The following DNAAF10 variants were observed in gnomAD, a reference collection of about 807,000 sequenced individuals.
DNAAF10 encodes WD repeat domain 92.
In DNAAF10, 28 loss-of-function variants were observed where a neutral mutation model predicts 43.7. That is an observed-to-expected ratio of 0.64 (90% CI 0.48 to 0.88). DNAAF10 has a LOEUF of 0.88. DNAAF10 is among the 40% of genes least tolerant of loss of function. The probability of loss-of-function intolerance (pLI) is 0.00; values close to 1 mark genes in which losing one functional copy is unlikely to be tolerated. For missense variants in DNAAF10, 403 were observed against 439.1 expected (o/e 0.92, Z 0.73); for synonymous variants, 156 against 157.3 (o/e 0.99, Z 0.06).
At chr2:68,151,050 C>T (rs894124151) in intron 1 of DNAAF10, among the ~76,000 whole-genome samples, 3 of 152,236 alleles carry the variant, frequency 2.0e-5, no homozygotes, top group African/African-American at 7.2e-5. Flanking sequence ...TATACATTTT[C>T]ACAGTTGTCA....
At chr2:68,145,696 G>A (rs541171618) in intron 2 of DNAAF10, among the ~76,000 whole-genome samples, 37 of 152,106 alleles carry the variant, frequency 2.4e-4, no homozygotes, top group Non-Finnish European at 4.4e-4. Context: ...CGTCTAATAG[G>A]TCAATTCACA....
chr2:68,149,441 T>C (rs542563738), intron 1 of DNAAF10, among the ~76,000 whole-genome samples: 1 of 152,328 alleles, frequency 6.6e-6, no homozygotes, highest in African/African-American at 2.4e-5. Context: ...ACAGAATGTT[T>C]CTCTTTTTAA....
At chr2:68,150,504 A>C (rs1452186962) in intron 1 of DNAAF10, among the ~76,000 whole-genome samples, 1 of 152,172 alleles carries the variant, frequency 6.6e-6, no homozygotes, top group East Asian at 1.9e-4. Flanking sequence ...AGGCTGAGGC[A>C]GGCGGATCAC....
chr2:68,154,682 G>A (rs1004688272), intron 1 of DNAAF10, among the ~76,000 whole-genome samples: 1 of 152,206 alleles, frequency 6.6e-6, no homozygotes, highest in African/African-American at 2.4e-5. Flanking sequence ...AAAATTTGCT[G>A]AAATTCCCCA....
intron 1 of DNAAF10, among the ~76,000 whole-genome samples, chr2:68,155,118 T>C (rs1483994896): frequency 6.6e-6 from 1 of 150,488 alleles, no homozygotes; most frequent in Non-Finnish European, 1.5e-5. Context: ...ATCCTGCCAC[T>C]GCACTCCATC....
At chr2:68,156,803 C>A (rs1382708025) in intron 1 of DNAAF10, 1 of 177,820 alleles carries the variant, frequency 5.6e-6, no homozygotes, top group African/African-American at 2.4e-5. Flanking sequence ...TCTCATTGAA[C>A]CGTAACCGTG....
chr2:68,136,927 A>C (rs1673057288), intron 6 of DNAAF10, among the ~76,000 whole-genome samples: 1 of 152,254 alleles, frequency 6.6e-6, no homozygotes, highest in Non-Finnish European at 1.5e-5. Context: ...ATGAAATGAC[A>C]TCATGTACAT....
chr2:68,138,651 T>C, intron 5 of DNAAF10, 91 bp downstream of exon 5: 1 of 901,282 alleles, frequency 1.1e-6, no homozygotes, highest in Non-Finnish European at 1.8e-6. Flanking sequence ...TTGACTCAGA[T>C]GAGTTACTAG....
At position 68,136,051 on chromosome 2, in the gene DNAAF10, G is replaced by GA. The variant is rs35740218; in HGVS notation, c.768+1247dup. The stretch of plus-strand genomic sequence containing the variant: ...CAACACAGCAAGACTCTGACTCTAT[G>GA]AAAAAAAAAAAATCTAATTAGCCAG... On this transcript the variant is annotated intron_variant, in intron 6 of 7. Transcript: ENST00000295121. 2.6e-3 allele frequency among the ~76,000 whole-genome samples: 384 copies of GA among 145,000 alleles called. 1 individual carries two copies. In the Middle Eastern group the frequency reaches 0.032, roughly 12 times the overall value.
chr2:68,144,022 C>T (rs987528709), intron 3 of DNAAF10, among the ~76,000 whole-genome samples: 10 of 152,140 alleles, frequency 6.6e-5, no homozygotes, highest in Non-Finnish European at 5.9e-5. Flanking sequence ...ATGTACCCCT[C>T]GTGAAGCAAC....
At chr2:68,151,905 C>T (rs897807725) in intron 1 of DNAAF10, among the ~76,000 whole-genome samples, 1 of 152,156 alleles carries the variant, frequency 6.6e-6, no homozygotes, top group Admixed American at 6.5e-5. Flanking sequence ...TTCAAGATGA[C>T]GAAACAGGTT....
intron 2 of DNAAF10, among the ~76,000 whole-genome samples, chr2:68,146,400 CATT>C (rs1389971530): frequency 2.0e-5 from 3 of 152,048 alleles, no homozygotes; most frequent in Non-Finnish European, 4.4e-5. Context: ...GACTTTAAAA[CATT>C]ATTTTTTAAC....
At chr2:68,148,412 C>T (rs1673376168) in intron 1 of DNAAF10, among the ~76,000 whole-genome samples, 1 of 152,194 alleles carries the variant, frequency 6.6e-6, no homozygotes, top group Non-Finnish European at 1.5e-5. Flanking sequence ...AAAAAGCTAA[C>T]AACTCAAATA....
At chr2:68,153,325 G>GCT (rs888197856) in intron 1 of DNAAF10, among the ~76,000 whole-genome samples, 8 of 143,836 alleles carry the variant, frequency 5.6e-5, no homozygotes, top group African/African-American at 1.8e-4. Context: ...GGCTTTGTGA[G>GCT]CTCCAAGTCA....
chr2:68,157,007 G>C lies in DNAAF10; in HGVS notation c.183+254C>G. 1.6e-5 allele frequency: 9 copies of C among 563,998 alleles called. No individual in the cohort carries two copies. The South Asian group carries it at 1.9e-4, about 12-fold the overall frequency. The allele number at this position is 563,998 out of a possible 1,614,324, so 34.9% of individuals were successfully genotyped here. A position where few individuals can be genotyped will look rare whatever the true frequency, so the allele number is the denominator to read the frequency against. On this transcript the variant is annotated intron_variant, in intron 1 of 7. Coordinates refer to ENST00000295121, the MANE Select transcript of DNAAF10 (RefSeq NM_138458.4). ...GTTGCCTCTTCCAACCACACTGCAGGCATCCTGGTGCCCGCTTTGGCTGGA... is the reference window on the plus strand; with the variant it reads ...GTTGCCTCTTCCAACCACACTGCAGCCATCCTGGTGCCCGCTTTGGCTGGA...
At position 68,153,930 on chromosome 2, in the gene DNAAF10, T is replaced by G. The variant is rs549965778; in HGVS notation, c.183+3331A>C. ...GACCACGCCCAGCTAATTTTTGTAT[T>G]TTTTAGTAGAGATGGGGTTTCACCA... On this transcript the variant is annotated intron_variant, in intron 1 of 7. Transcript: ENST00000295121. 6.6e-5 allele frequency among the ~76,000 whole-genome samples: 10 copies of G among 151,708 alleles called. No homozygotes were observed. The East Asian group carries it at 1.9e-3, about 30-fold the overall frequency.
chr2:68,144,013 T>C (rs770142525), intron 3 of DNAAF10, among the ~76,000 whole-genome samples: 1 of 152,222 alleles, frequency 6.6e-6, no homozygotes, highest in East Asian at 1.9e-4. Context: ...AAATTTCTCA[T>C]GTACCCCTCG....
rs1344739502 is a variant in DNAAF10, at chr2:68,137,410, T to A, written c.657A>T (p.Arg219Ser). ...CTAACTTATTCATACTTATGTCTTTTCTGTCAAACTCCAAGCTACACACCT... is the reference window on the plus strand; with the variant it reads ...CTAACTTATTCATACTTATGTCTTTACTGTCAAACTCCAAGCTACACACCT... ...KNGVCSLEFD[R>S]KDISMNKLVA... The change falls in exon 6 of 8, where the codon AGA (arginine) becomes AGT (serine). Residue 219 changes from arginine to serine, a missense_variant. By Grantham distance (110) the Arg-to-Ser change is moderately radical. Coordinates refer to ENST00000295121, the MANE Select transcript of DNAAF10 (RefSeq NM_138458.4). 3.1e-6 allele frequency: 5 copies of A among 1,612,492 alleles called. No homozygotes were observed. The highest frequency in any genetic ancestry group is 1.7e-4 in the Middle Eastern group (1 of 6,048).
chr2:68,138,834 G>A lies in DNAAF10; in HGVS notation c.541C>T (p.Arg181Cys), dbSNP rs1180873528. ...AFGNAYNQEE[R>C]VVCAGYDNGD... ...TTGTCATAGCCAGCACAAACAACAC[G>A]TTCTTCTTGATTATAAGCATTGCCT... Residue 181 changes from arginine (R) to cysteine (C), a missense_variant, in exon 5 of 8, where the codon CGT (arginine) becomes TGT (cysteine). Coordinates refer to ENST00000295121, the MANE Select transcript of DNAAF10 (RefSeq NM_138458.4). The A allele has an allele frequency of 9.3e-6, 15 of 1,613,314 alleles. No individual in the cohort carries two copies. The highest frequency in any genetic ancestry group is 2.2e-5 in the South Asian group (2 of 91,014).
Sources: gnomAD v4.1 joint callset for allele counts (sites outside exome capture counted in the v4.1 genomes callset) on GRCh38, gnomAD v4.1.1 for gene constraint, MANE v1.5 for transcripts, NCBI Gene and HGNC (gene_info 2026-07-23, HGNC 2026-07-21) for gene names.